Variants in NFIA observed in about 807,000 individuals in gnomAD.
The protein encoded by NFIA is nuclear factor 1 A-type.
In NFIA, 8 loss-of-function variants were observed where a neutral mutation model predicts 62.8. The ratio of observed to expected loss-of-function variants is 0.13; its 90% confidence interval spans 0.07 to 0.23. NFIA has a LOEUF of 0.23. Among genes scored for constraint, NFIA ranks in the 10% least tolerant of loss-of-function variants. The pLI is 1.00. For missense variants in NFIA, 410 were observed against 642.1 expected (o/e 0.64, Z 3.91); for synonymous variants, 235 against 238.1 (o/e 0.99, Z 0.12).
chr1:61,123,206 C>G (rs1206632087), intron 2 of NFIA, among the ~76,000 whole-genome samples: 1 of 152,186 alleles, frequency 6.6e-6, no homozygotes, highest in Non-Finnish European at 1.5e-5. Context: ...ATACATAGGA[C>G]AGAGCCCACA....
intron 2 of NFIA, among the ~76,000 whole-genome samples, chr1:61,167,560 A>C (rs1000117149): frequency 3.3e-5 from 5 of 152,136 alleles, no homozygotes; most frequent in African/African-American, 1.2e-4. Context: ...ATGTCTGTAG[A>C]TTTTATTGAT....
Position 61,401,062 on chromosome 1 carries a change from A to G in NFIA, c.1076-3042A>G, listed in dbSNP as rs180883317. 1.4e-3 allele frequency among the ~76,000 whole-genome samples: 207 copies of G among 152,264 alleles called. 1 individual carries two copies. Among genetic ancestry groups the G allele is most frequent in the Non-Finnish European group, 2.5e-3 (167 of 68,016 alleles). ...GCTTTGTGATGTCAGTAACGTAACTATTTTCTGTTTGAAGAAATGAAGGTT... is the reference window on the plus strand; with the variant it reads ...GCTTTGTGATGTCAGTAACGTAACTGTTTTCTGTTTGAAGAAATGAAGGTT... On this transcript the variant is annotated intron_variant, in intron 7 of 10. Coordinates refer to ENST00000403491, the MANE Select transcript of NFIA (RefSeq NM_001134673.4).
intron 2 of NFIA, among the ~76,000 whole-genome samples, chr1:61,162,163 A>T (rs1649257501): frequency 6.6e-6 from 1 of 152,150 alleles, no homozygotes; most frequent in Non-Finnish European, 1.5e-5. Flanking sequence ...ATTATTAATA[A>T]CTTTGGCCCA....
chr1:61,141,315 C>T lies in NFIA; in HGVS notation c.559+52635C>T, dbSNP rs1358808203. On this transcript the variant is annotated intron_variant, in intron 2 of 10. Coordinates refer to ENST00000403491, the MANE Select transcript of NFIA (RefSeq NM_001134673.4). ...CAATATCTGATCTGTTTTTCCAATA[C>T]ATCTGCTCATCTTGTTTCAAAACAA... 3.9e-5 allele frequency among the ~76,000 whole-genome samples: 6 copies of T among 152,224 alleles called. No homozygotes were observed. The South Asian group carries it at 1.0e-3, about 26-fold the overall frequency.
At chr1:61,317,677 T>C (rs1660439447) in intron 3 of NFIA, among the ~76,000 whole-genome samples, 1 of 152,108 alleles carries the variant, frequency 6.6e-6, no homozygotes, top group Non-Finnish European at 1.5e-5. Flanking sequence ...TTGATTTTTA[T>C]AGACAACTTT....
At chr1:61,086,426 T>A (rs1023028991) in intron 1 of NFIA, among the ~76,000 whole-genome samples, 22 of 152,180 alleles carry the variant, frequency 1.4e-4, no homozygotes, top group African/African-American at 4.3e-4. Context: ...TCAGAAATTT[T>A]AAAAATGTTA....
chr1:61,411,170 A>G (rs910748931), intron 9 of NFIA, among the ~76,000 whole-genome samples: 2 of 152,138 alleles, frequency 1.3e-5, no homozygotes, highest in Non-Finnish European at 2.9e-5. Flanking sequence ...CAGAGTATGT[A>G]TTTTTTAACT....
intron 3 of NFIA, among the ~76,000 whole-genome samples, chr1:61,318,361 C>T (rs768869697): frequency 5.9e-5 from 9 of 152,102 alleles, no homozygotes; most frequent in African/African-American, 1.2e-4. Flanking sequence ...TGCAAGCTGA[C>T]ACTTTGAGGG....
At chr1:61,093,586 T>G (rs1357176907) in intron 2 of NFIA, among the ~76,000 whole-genome samples, 1 of 152,218 alleles carries the variant, frequency 6.6e-6, no homozygotes, top group East Asian at 1.9e-4. Context: ...TTTTACATCC[T>G]TGAGTGTTTT....
chr1:61,403,129 A>G (rs1345861673), intron 7 of NFIA, among the ~76,000 whole-genome samples: 1 of 152,196 alleles, frequency 6.6e-6, no homozygotes, highest in Non-Finnish European at 1.5e-5. Flanking sequence ...AGGAAAGATA[A>G]ATACTTTCAT....
At chr1:61,177,423 C>T (rs951774669) in intron 2 of NFIA, among the ~76,000 whole-genome samples, 21 of 152,030 alleles carry the variant, frequency 1.4e-4, no homozygotes, top group African/African-American at 4.6e-4. Context: ...TAATAATAAT[C>T]GTGATTTTGA....
chr1:61,169,787 T>C (rs763450288), intron 2 of NFIA, among the ~76,000 whole-genome samples: 1 of 152,200 alleles, frequency 6.6e-6, no homozygotes, highest in Non-Finnish European at 1.5e-5. Context: ...CTTATAATTC[T>C]TTGGTGTTCT....
At chr1:61,259,925 G>A (rs1656652032) in intron 2 of NFIA, among the ~76,000 whole-genome samples, 1 of 152,148 alleles carries the variant, frequency 6.6e-6, no homozygotes, top group Non-Finnish European at 1.5e-5. Flanking sequence ...ATCCCAGTGG[G>A]GTAATTAAAC....
intron 4 of NFIA, among the ~76,000 whole-genome samples, chr1:61,340,198 AAC>A: frequency 6.6e-6 from 1 of 152,326 alleles, no homozygotes; most frequent in South Asian, 2.1e-4. Context: ...ACTGGGGAGA[AAC>A]ACAACATACC....
At chr1:61,366,533 T>G (rs376156861) in intron 6 of NFIA, among the ~76,000 whole-genome samples, 7 of 152,296 alleles carry the variant, frequency 4.6e-5, no homozygotes, top group East Asian at 3.9e-4. Flanking sequence ...GAAGTCAAAT[T>G]TGATAAGGAA....
At chr1:61,170,727 A>T (rs1488197063) in intron 2 of NFIA, among the ~76,000 whole-genome samples, 1 of 152,166 alleles carries the variant, frequency 6.6e-6, no homozygotes, top group East Asian at 1.9e-4. Flanking sequence ...TTTACCTTGG[A>T]ACTTTAGAAG....
chr1:61,187,329 T>C (rs1258940787), intron 2 of NFIA, among the ~76,000 whole-genome samples: 6 of 152,128 alleles, frequency 3.9e-5, no homozygotes, highest in African/African-American at 1.4e-4. Flanking sequence ...AGAGAACAAG[T>C]TCCCAGCAGT....
Position 61,082,785 on chromosome 1 carries a change from G to C in NFIA, c.-7G>C. 1 of 1,552,242 alleles carries C rather than the reference G, an allele frequency of 6.4e-7. No individual in the cohort carries two copies. The highest frequency in any genetic ancestry group is 8.7e-7 in the Non-Finnish European group (1 of 1,147,422). On this transcript the variant is annotated 5_prime_UTR_variant, in exon 1 of 11. Transcript: ENST00000403491. Reference sequence around the variant, plus strand: ...GACGCACACGCATACCCCAGCGCCCGGCAGTTATGTATTCTCCGCTCTGTC... The same window carrying C: ...GACGCACACGCATACCCCAGCGCCCCGCAGTTATGTATTCTCCGCTCTGTC...
chr1:61,375,324 T>A lies in NFIA; in HGVS notation c.947-7913T>A, dbSNP rs115852375. ...GAAATTTATGTGGACACCATTAGTC[T>A]GATGGACATGACTGAGCTGTCTGTT... On this transcript the variant is annotated intron_variant, in intron 6 of 10. Transcript: ENST00000403491. 2.5e-3 allele frequency among the ~76,000 whole-genome samples: 383 copies of A among 152,264 alleles called. 2 individuals carry two copies. Among genetic ancestry groups the A allele is most frequent in the African/African-American group, 8.7e-3 (363 of 41,558 alleles).
Sources: allele counts gnomAD v4.1 joint callset (sites outside exome capture counted in the v4.1 genomes callset), GRCh38; gene constraint gnomAD v4.1.1; transcripts MANE v1.5; gene names NCBI Gene and HGNC (gene_info 2026-07-23, HGNC 2026-07-21).